The following SMCHD1 variants were observed in gnomAD, a reference collection of about 807,000 sequenced individuals.
The protein encoded by SMCHD1 is structural maintenance of chromosomes flexible hinge domain-containing protein 1.
In SMCHD1, 78 loss-of-function variants were observed where a neutral mutation model predicts 254.7. That is an observed-to-expected ratio of 0.31 (90% confidence interval 0.26 to 0.37). The LOEUF (loss-of-function observed/expected upper bound fraction) is 0.37. Ranked by LOEUF, SMCHD1 falls within the 10% of genes least tolerant of loss-of-function variation. The pLI is 1.00. For missense variants in SMCHD1, 1,840 were observed against 2,408.1 expected (o/e 0.76, Z 4.94); for synonymous variants, 766 against 794.9 (o/e 0.96, Z 0.61).
At chr18:2,724,332 T>C (rs1406368678) in intron 20 of SMCHD1, among the ~76,000 whole-genome samples, 1 of 151,974 alleles carries the variant, frequency 6.6e-6, no homozygotes, top group Non-Finnish European at 1.5e-5. Flanking sequence ...TCAAATCTGA[T>C]GAAATTAGCT....
intron 8 of SMCHD1, among the ~76,000 whole-genome samples, chr18:2,695,607 G>A (rs867054166): frequency 3.3e-5 from 5 of 152,020 alleles, no homozygotes; most frequent in East Asian, 1.9e-4. Flanking sequence ...ATCGCGCCCG[G>A]CCTAAAATTT....
Position 2,762,188 on chromosome 18 carries a change from C to T in SMCHD1, c.4518C>T (p.Arg1506=). 6.2e-7 allele frequency: 1 copy of T among 1,613,666 alleles called. No homozygotes were observed. The highest frequency in any genetic ancestry group is 8.5e-7 in the Non-Finnish European group (1 of 1,179,708). ...KPPTPAVSNV[R]SVASRTLVRD... ...CTACACCAGCTGTTTCAAATGTTCG[C>T]TCAGTTGCCAGTAGGACCTTGGTCA... Residue 1506 remains arginine (R), a synonymous_variant, in exon 36 of 48, where the codon CGC becomes CGT. Coordinates refer to ENST00000320876, the MANE Select transcript of SMCHD1 (RefSeq NM_015295.3).
At chr18:2,776,809 A>C (rs1456897376) in intron 42 of SMCHD1, among the ~76,000 whole-genome samples, 1 of 152,180 alleles carries the variant, frequency 6.6e-6, no homozygotes, top group African/African-American at 2.4e-5. Flanking sequence ...ATCAGATTCT[A>C]AAATCTGCCA....
intron 1 of SMCHD1, among the ~76,000 whole-genome samples, chr18:2,658,586 G>C (rs1409834837): frequency 6.6e-6 from 1 of 152,058 alleles, no homozygotes; most frequent in African/African-American, 2.4e-5. Flanking sequence ...AGAAATGAGA[G>C]GGACCAACTA....
At position 2,681,985 on chromosome 18, in the gene SMCHD1, A is replaced by G. The variant is rs552241201; in HGVS notation, c.639-6409A>G. 7.9e-5 allele frequency among the ~76,000 whole-genome samples: 12 copies of G among 152,354 alleles called. No individual in the cohort carries two copies. The South Asian group carries it at 2.5e-3, about 32-fold the overall frequency. Reference sequence around the variant, plus strand: ...TGGTTTGTCTTTGTTGGTTTTCAGCAAATTAAGATGAGCTTTTGTTTTCTA... The same window carrying G: ...TGGTTTGTCTTTGTTGGTTTTCAGCGAATTAAGATGAGCTTTTGTTTTCTA... On this transcript the variant is annotated intron_variant, in intron 5 of 47. Coordinates refer to ENST00000320876, the MANE Select transcript of SMCHD1 (RefSeq NM_015295.3).
In SMCHD1 at chr18:2,796,443, G is replaced by A. The variant is rs747849441; in HGVS notation, c.5915G>A (p.Arg1972His). 8.1e-6 allele frequency: 13 copies of A among 1,604,214 alleles called. No homozygotes were observed. Among genetic ancestry groups the A allele is most frequent in the Middle Eastern group, 3.3e-4 (2 of 6,072 alleles). ...ATACGTAAGTGTAATGACTCATTGCGTCATTCACCAAAGGTTGAGACGACA... is the reference window on the plus strand; with the variant it reads ...ATACGTAAGTGTAATGACTCATTGCATCATTCACCAAAGGTTGAGACGACA... The part of the protein sequence containing the change: ...TPIRKCNDSL[R>H]HSPKVETTDC... The change falls in exon 47 of 48, where the codon CGT becomes CAT. Residue 1972 changes from arginine to histidine, a missense_variant. Around this residue, in one of 9 missense-constraint regions of SMCHD1, gnomAD observed 132 missense variants for 138.2 expected, o/e 0.95. Coordinates refer to ENST00000320876, the MANE Select transcript of SMCHD1 (RefSeq NM_015295.3).
chr18:2,785,053 A>C, intron 45 of SMCHD1: 1 of 303,008 alleles, frequency 3.3e-6, no homozygotes, highest in South Asian at 2.7e-5. Context: ...ATCTAGAACA[A>C]TTAAGGCTTA....
At chr18:2,742,959 C>A (rs1568286522) in intron 28 of SMCHD1, among the ~76,000 whole-genome samples, 2 of 152,122 alleles carry the variant, frequency 1.3e-5, no homozygotes, top group Non-Finnish European at 2.9e-5. Context: ...TAGTCAGGAG[C>A]CACTGTGCCT....
Position 2,718,090 on chromosome 18 carries a change from A to T in SMCHD1, c.2261-68A>T, listed in dbSNP as rs1445593872. The T allele has an allele frequency of 3.3e-6, 4 of 1,227,230 alleles. No homozygotes were observed. The African/African-American group carries it at 6.0e-5, about 19-fold the overall frequency. The allele number at this position is 1,227,230 out of a possible 1,614,324, so 76.0% of individuals were successfully genotyped here. A position where few individuals can be genotyped will look rare whatever the true frequency, so the allele number is the denominator to read the frequency against. ...CAAATAGGTATTTGGTGCCAATGTG[A>T]CATTGCGTATTTCATGTTTTACGTT... On this transcript the variant is annotated intron_variant, in intron 17 of 47. Transcript: ENST00000320876. This position sits in a 1 kb window ranked among gnomAD's most constrained non-coding sequence, Gnocchi z 4.6.
rs1324560255 is a variant in SMCHD1, at chr18:2,804,421, C to T, written c.*1869C>T. 1 of 152,114 alleles carries T rather than the reference C, an allele frequency of 6.6e-6. No homozygotes were observed. Among genetic ancestry groups the T allele is most frequent in the East Asian group, 1.9e-4 (1 of 5,206 alleles). The allele number at this position is 152,114 out of a possible 1,614,324, so 9.4% of individuals were successfully genotyped here. ...AAGTAGCAGGGATTACAGGCATGCA[C>T]CCACATGCCAATTTTTATTGCTTAA... On this transcript the variant is annotated 3_prime_UTR_variant, in exon 48 of 48. Coordinates refer to ENST00000320876, the MANE Select transcript of SMCHD1 (RefSeq NM_015295.3).
intron 34 of SMCHD1, among the ~76,000 whole-genome samples, chr18:2,758,915 A>G (rs1339850118): frequency 6.6e-6 from 1 of 152,046 alleles, no homozygotes. Flanking sequence ...GTTTTTAAAA[A>G]TTTTGCCATT....
chr18:2,685,086 T>C (rs1289871579), intron 5 of SMCHD1, among the ~76,000 whole-genome samples: 5 of 134,018 alleles, frequency 3.7e-5, no homozygotes, highest in Non-Finnish European at 8.1e-5. Flanking sequence ...TGTTCTGTTC[T>C]GTCCCTTATT....
At chr18:2,659,734 A>G (rs1292576193) in intron 1 of SMCHD1, among the ~76,000 whole-genome samples, 5 of 149,594 alleles carry the variant, frequency 3.3e-5, no homozygotes, top group African/African-American at 1.2e-4. Flanking sequence ...AGATGTGCTC[A>G]TCAATTTCTA....
chr18:2,793,094 G>A (rs990072781), intron 45 of SMCHD1, among the ~76,000 whole-genome samples: 2 of 152,198 alleles, frequency 1.3e-5, no homozygotes, highest in African/African-American at 4.8e-5. Flanking sequence ...GGAGCACAAA[G>A]TTTGAAGAGC....
At chr18:2,802,084 G>A (rs566036110) in intron 47 of SMCHD1, among the ~76,000 whole-genome samples, 1 of 152,194 alleles carries the variant, frequency 6.6e-6, no homozygotes, top group Admixed American at 6.5e-5. Flanking sequence ...AGCTATATAT[G>A]TCAAGGTGCT....
chr18:2,662,667 C>CAAAAAAAAAAAAAAAAAAAAACA (rs2073322180), intron 1 of SMCHD1, among the ~76,000 whole-genome samples: 3 of 35,682 alleles, frequency 8.4e-5, no homozygotes, highest in East Asian at 9.3e-4. Flanking sequence ...AACAAAAAAC[C>CAAAAAAAAAAAAAAAAAAAAACA]AAAAAAAAAA....
chr18:2,731,883 C>T (rs1228895438), intron 24 of SMCHD1, among the ~76,000 whole-genome samples: 1 of 151,954 alleles, frequency 6.6e-6, no homozygotes, highest in African/African-American at 2.4e-5. Context: ...TGGTGGTAGG[C>T]GCCTGTAATC....
chr18:2,710,742 G>C (rs1178023855), intron 17 of SMCHD1, among the ~76,000 whole-genome samples: 1 of 152,048 alleles, frequency 6.6e-6, no homozygotes, highest in East Asian at 1.9e-4. Context: ...ATCTTGTCCT[G>C]TTCCTGATGT....
At chr18:2,696,133 G>A (rs1407154471) in intron 8 of SMCHD1, among the ~76,000 whole-genome samples, 1 of 152,110 alleles carries the variant, frequency 6.6e-6, no homozygotes, top group Non-Finnish European at 1.5e-5. Context: ...AAAAAATAAA[G>A]AGGTGTTATT....
Sources: gnomAD v4.1 joint callset for allele counts (sites outside exome capture counted in the v4.1 genomes callset) on GRCh38, gnomAD v4.1.1 for gene constraint, gnomAD v4.1.1 regional missense constraint, Gnocchi (gnomAD v3.1) non-coding constraint, MANE v1.5 for transcripts, NCBI Gene and HGNC (gene_info 2026-07-23, HGNC 2026-07-21) for gene names.